Variants in HECTD4 observed in about 807,000 individuals in gnomAD.
HECTD4 encodes the protein probable E3 ubiquitin-protein ligase HECTD4.
Under a neutral mutation model 471.5 loss-of-function variants are expected in HECTD4, and 114 were observed. The observed-to-expected ratio is 0.24, with a 90% CI of 0.21 to 0.28. HECTD4 has a LOEUF of 0.28. HECTD4 is among the 10% of genes least tolerant of loss of function. The pLI, the probability that HECTD4 is intolerant of heterozygous loss-of-function variation, is 1.00. For missense variants in HECTD4, 3,866 were observed against 5,651.5 expected (o/e 0.68, Z 10.13); for synonymous variants, 2,012 against 2,256.0 (o/e 0.89, Z 3.07).
intron 29 of HECTD4, among the ~76,000 whole-genome samples, chr12:112,244,503 C>T (rs762831501): frequency 3.3e-5 from 5 of 152,062 alleles, no homozygotes; most frequent in African/African-American, 4.8e-5. Context: ...CAAGTAGCTG[C>T]GATTACAGGC....
chr12:112,329,393 A>T, intron 1 of HECTD4, among the ~76,000 whole-genome samples: 1 of 144,920 alleles, frequency 6.9e-6, no homozygotes, highest in Non-Finnish European at 1.5e-5. Context: ...TTTTTAACAG[A>T]GTCTCGCTCT....
At chr12:112,267,295 A>G (rs1214369630) in intron 13 of HECTD4, 3 of 269,420 alleles carry the variant, frequency 1.1e-5, no homozygotes, top group Non-Finnish European at 2.1e-5. Context: ...CCCCTGCTAG[A>G]ACCTCCAAAC....
intron 64 of HECTD4, among the ~76,000 whole-genome samples, chr12:112,178,421 A>G (rs2031539387): frequency 6.6e-6 from 1 of 152,256 alleles, no homozygotes; most frequent in Admixed American, 6.5e-5. Context: ...GTCTTCATTT[A>G]GATGGGTCGG....
At chr12:112,171,996 C>T (rs149373351) in intron 67 of HECTD4, among the ~76,000 whole-genome samples, 2,390 of 152,270 alleles carry the variant, frequency 0.016, 73 homozygotes, top group African/African-American at 0.054. Flanking sequence ...CTCCACCTCC[C>T]GGGTTCAAGC....
At chr12:112,339,351 C>T (rs1230822676) in intron 1 of HECTD4, among the ~76,000 whole-genome samples, 1 of 124,136 alleles carries the variant, frequency 8.1e-6, no homozygotes, top group East Asian at 2.6e-4. Flanking sequence ...TGACATACTA[C>T]ATTTATATAA....
At position 112,178,926 on chromosome 12, in the gene HECTD4, C is replaced by T. The variant is rs753442398; in HGVS notation, c.11363+5G>A. On this transcript the variant is annotated splice_donor_5th_base_variant and intron_variant, in intron 64 of 75. Coordinates refer to ENST00000682272, the MANE Select transcript of HECTD4 (RefSeq NM_001388303.1). ...TGGGCTGCCCAGGCTCCTTGGGGCA[C>T]GCACCTGACGCTGTTGAGCACAGCC... 19 of 1,603,430 alleles carry T rather than the reference C, an allele frequency of 1.2e-5. No homozygotes were observed. The highest frequency in any genetic ancestry group is 3.3e-5 in the South Asian group (3 of 90,302).
chr12:112,379,290 C>T (rs1245245014), intron 1 of HECTD4, among the ~76,000 whole-genome samples: 1 of 152,238 alleles, frequency 6.6e-6, no homozygotes, highest in East Asian at 1.9e-4. Flanking sequence ...ACCTACTCTG[C>T]ACTTCCTTCA....
At chr12:112,328,124 A>G (rs1188700253) in intron 1 of HECTD4, among the ~76,000 whole-genome samples, 2 of 146,478 alleles carry the variant, frequency 1.4e-5, no homozygotes, top group African/African-American at 5.4e-5. Context: ...TTATTTATTT[A>G]TTTATTTATT....
intron 17 of HECTD4, among the ~76,000 whole-genome samples, chr12:112,263,750 C>T (rs1338825404): frequency 8.7e-5 from 13 of 150,248 alleles, no homozygotes; most frequent in Admixed American, 4.7e-4. Flanking sequence ...CACACACACA[C>T]ATACACATAT....
Position 112,265,266 on chromosome 12 carries a change from A to T in HECTD4, c.2528T>A (p.Leu843Gln), listed in dbSNP as rs907873273. The T allele has an allele frequency of 1.3e-6, 2 of 1,583,538 alleles. No individual in the cohort carries two copies. The highest frequency in any genetic ancestry group is 2.7e-5 in the African/African-American group (2 of 74,162). The change falls in exon 16 of 76, where the codon CTG (leucine) becomes CAG (glutamine). Residue 843 changes from leucine (L) to glutamine (Q), a missense_variant. Physicochemically the swap from Leu to Gln is moderately radical, Grantham distance 113. This residue lies in a region of HECTD4 where 525 missense variants were observed against 672.6 expected (regional missense o/e 0.78). Transcript: ENST00000682272. ...RLNDELLHYI[L>Q]KIVVRESCIL... ...ACAGGATTCTCGTACAACAATCTTC[A>T]GAATGTAGTGTAAAAGTTCATCATT... is the stretch of plus-strand genomic sequence containing the variant.
At chr12:112,196,017 T>G (rs191718143) in intron 55 of HECTD4, among the ~76,000 whole-genome samples, 156 of 152,248 alleles carry the variant, frequency 1.0e-3, no homozygotes, top group African/African-American at 3.5e-3. Flanking sequence ...GAAATCGCCC[T>G]GTAGTCTCAG....
intron 48 of HECTD4, among the ~76,000 whole-genome samples, chr12:112,214,231 T>C (rs1593937385): frequency 2.6e-5 from 4 of 152,292 alleles, no homozygotes; most frequent in South Asian, 4.1e-4. Flanking sequence ...AAGAGAAGCC[T>C]GTCAATTGCA....
intron 62 of HECTD4, among the ~76,000 whole-genome samples, chr12:112,182,219 A>C (rs757562809): frequency 3.3e-5 from 5 of 152,194 alleles, no homozygotes; most frequent in Non-Finnish European, 5.9e-5. Flanking sequence ...TAGTCCTAAC[A>C]CTTTGGGAGG....
At position 112,376,851 on chromosome 12, in the gene HECTD4, G is replaced by A. The variant is rs146868131; in HGVS notation, c.177+5101C>T. Among the ~76,000 whole-genome samples the A allele has an allele frequency of 2.8e-3, 421 of 152,228 alleles. 6 individuals carry two copies. The highest frequency in any genetic ancestry group is 9.7e-3 in the African/African-American group (402 of 41,544). On this transcript the variant is annotated intron_variant, in intron 1 of 75. Transcript: ENST00000682272. ...GGACAGGCTGGGTGCAGTGGCTGAC[G>A]CCTGTAATCCCAACTCTTTGGGAGG...
chr12:112,283,684 C>T (rs927824355), intron 7 of HECTD4, among the ~76,000 whole-genome samples: 11 of 152,180 alleles, frequency 7.2e-5, no homozygotes, highest in Admixed American at 3.9e-4. Flanking sequence ...AATGTCTTCT[C>T]GAAATATCTT....
intron 16 of HECTD4, 86 bp from the exon 17 acceptor site, chr12:112,264,298 CAAAG>C: frequency 8.1e-7 from 1 of 1,230,038 alleles, no homozygotes; most frequent in Non-Finnish European, 1.1e-6. Flanking sequence ...AAGATTTTGA[CAAAG>C]AAAACAAAAA....
intron 17 of HECTD4, among the ~76,000 whole-genome samples, chr12:112,262,515 CA>C (rs758273849): frequency 1.2e-3 from 23 of 19,760 alleles, no homozygotes; most frequent in Non-Finnish European, 1.7e-3. Flanking sequence ...GACTCCATCT[CA>C]AAAAAAAAAA....
At position 112,273,665 on chromosome 12, in the gene HECTD4, A is replaced by C; in HGVS notation, c.1932T>G (p.Thr644=). The C allele has an allele frequency of 6.2e-7, 1 of 1,613,842 alleles. No homozygotes were observed. The highest frequency in any genetic ancestry group is 8.5e-7 in the Non-Finnish European group (1 of 1,179,770). Residue 644 remains threonine (T), a synonymous_variant, in exon 11 of 76, where the codon ACT becomes ACG. Coordinates refer to ENST00000682272, the MANE Select transcript of HECTD4 (RefSeq NM_001388303.1). ...CQRLGVSHII[T]EPKEEAITTN... ...CTGAGTGCACCTCACCTTTGGGCTC[A>C]GTGATAATGTGACTGACTCCAAGTC...
In HECTD4 at chr12:112,216,765, T is replaced by C; in HGVS notation, c.7385+8A>G. ...TCTCTGTCACACTGAGCTACTTCTT[T>C]TACTTACTTATGGAAAAGACAAGTG... is the stretch of plus-strand genomic sequence containing the variant. On this transcript the variant is annotated splice_region_variant and intron_variant, in intron 47 of 75. Coordinates refer to ENST00000682272, the MANE Select transcript of HECTD4 (RefSeq NM_001388303.1). 6.2e-7 allele frequency: 1 copy of C among 1,612,590 alleles called. No homozygotes were observed. Among genetic ancestry groups the C allele is most frequent in the South Asian group, 1.1e-5 (1 of 91,072 alleles).
Sources: gnomAD v4.1 joint callset for allele counts (sites outside exome capture counted in the v4.1 genomes callset) on GRCh38, gnomAD v4.1.1 for gene constraint, gnomAD v4.1.1 regional missense constraint, MANE v1.5 for transcripts, NCBI Gene and HGNC (gene_info 2026-07-23, HGNC 2026-07-21) for gene names.